Variants in RALGPS2 observed in about 807,000 individuals in gnomAD.
RALGPS2 encodes ras-specific guanine nucleotide-releasing factor RalGPS2.
In RALGPS2, 43 loss-of-function variants were observed where a neutral mutation model predicts 86.8. That is an observed-to-expected ratio of 0.50 (90% confidence interval 0.39 to 0.64). RALGPS2 has a LOEUF of 0.64. Among genes scored for constraint, RALGPS2 ranks in the 30% least tolerant of loss-of-function variants. RALGPS2 has a pLI of 0.00. For missense variants in RALGPS2, 536 were observed against 694.6 expected, an observed-to-expected ratio of 0.77 and a Z score of 2.57; for synonymous variants, 243 against 231.3, an observed-to-expected ratio of 1.05 and a Z score of -0.46.
At chr1:178,779,592 T>C (rs1653280241) in intron 2 of RALGPS2, among the ~76,000 whole-genome samples, 1 of 152,250 alleles carries the variant, frequency 6.6e-6, no homozygotes, top group African/African-American at 2.4e-5. Context: ...GGACCAGACA[T>C]TTTAATGTCC....
At chr1:178,903,958 A>G (rs1660285328) in intron 18 of RALGPS2, among the ~76,000 whole-genome samples, 1 of 152,206 alleles carries the variant, frequency 6.6e-6, no homozygotes, top group Non-Finnish European at 1.5e-5. Context: ...ACTAGTTTAC[A>G]TTCCCACCAG....
chr1:178,731,534 C>T lies in RALGPS2; in HGVS notation c.-84+6115C>T, dbSNP rs184710804. Among the ~76,000 whole-genome samples, 297 of 152,116 alleles carry T rather than the reference C, an allele frequency of 2.0e-3. 3 individuals carry two copies. Among genetic ancestry groups the T allele is most frequent in the Non-Finnish European group, 3.1e-3 (212 of 67,994 alleles). The stretch of plus-strand genomic sequence containing the variant: ...CTGACCTCAAGTGATCCGCCTACCT[C>T]GGCCTCTCAGAGTGCTGGGATTACA... On this transcript the variant is annotated intron_variant, in intron 1 of 19. Transcript: ENST00000367635.
At chr1:178,804,442 A>T (rs1265290836) in intron 4 of RALGPS2, among the ~76,000 whole-genome samples, 2 of 106,810 alleles carry the variant, frequency 1.9e-5, no homozygotes, top group African/African-American at 3.6e-5. Flanking sequence ...CCCACCCCAC[A>T]ACAGTCCCCA....
chr1:178,853,533 T>G, intron 8 of RALGPS2: 1 of 1,307,086 alleles, frequency 7.7e-7, no homozygotes, highest in Non-Finnish European at 1.0e-6. Flanking sequence ...GCATCTTGTT[T>G]CTTGCATTAT....
intron 4 of RALGPS2, among the ~76,000 whole-genome samples, chr1:178,804,269 T>TTA (rs71297890): frequency 3.5e-5 from 5 of 144,226 alleles, no homozygotes; most frequent in Non-Finnish European, 7.6e-5. Flanking sequence ...TTTTTTTTTT[T>TTA]AATTAATTGA....
intron 14 of RALGPS2, 80 bp downstream of exon 14, chr1:178,889,776 A>G: frequency 2.0e-6 from 2 of 1,009,100 alleles, no homozygotes; most frequent in Non-Finnish European, 3.0e-6. Context: ...TTCAGAGATA[A>G]TATTTACTAC....
intron 1 of RALGPS2, among the ~76,000 whole-genome samples, chr1:178,758,191 C>T (rs1652047438): frequency 6.6e-6 from 1 of 151,950 alleles, no homozygotes; most frequent in Non-Finnish European, 1.5e-5. Context: ...GTTTATCTAT[C>T]TGGTGGTCTG....
intron 6 of RALGPS2, among the ~76,000 whole-genome samples, chr1:178,817,390 A>G (rs1309942826): frequency 6.7e-6 from 1 of 148,710 alleles, no homozygotes; most frequent in East Asian, 2.0e-4. Flanking sequence ...AATTGTGCTA[A>G]CTCCATTCTT....
chr1:178,815,285 A>G (rs530434335), intron 6 of RALGPS2, among the ~76,000 whole-genome samples: 14 of 151,784 alleles, frequency 9.2e-5, no homozygotes, highest in African/African-American at 3.4e-4. Context: ...GGGTTTTGCC[A>G]TGTTGGTCAG....
chr1:178,894,057 C>T (rs1659833694), intron 16 of RALGPS2, 33 bp downstream of exon 16: 2 of 1,288,930 alleles, frequency 1.6e-6, no homozygotes, highest in African/African-American at 3.0e-5. Context: ...TTTAATACAC[C>T]TCTAAAAATA....
chr1:178,912,875 T>C (rs1660675735), intron 19 of RALGPS2, among the ~76,000 whole-genome samples: 1 of 152,254 alleles, frequency 6.6e-6, no homozygotes, highest in Admixed American at 6.5e-5. Context: ...TTGCTCATTT[T>C]TAAAATTTTT....
chr1:178,817,229 C>A (rs577261260), intron 6 of RALGPS2, among the ~76,000 whole-genome samples: 1 of 151,436 alleles, frequency 6.6e-6, no homozygotes, highest in Admixed American at 6.6e-5. Context: ...CCTGTAATCC[C>A]AGCTACTCAG....
At position 178,865,096 on chromosome 1, in the gene RALGPS2, T is replaced by C. The variant is rs6689778; in HGVS notation, c.608-12402T>C. 15,182 of 1,562,760 alleles carry C rather than the reference T, an allele frequency of 9.7e-3. 1,277 individuals are homozygous for C. In the African/African-American group the frequency reaches 0.18, roughly 19 times the overall value. ...CTCCCAGCAGACCAGGAGTATACTG[T>C]TGGCTGTTAGGAATATGTTGTGGCA... On this transcript the variant is annotated intron_variant, in intron 8 of 19. Coordinates refer to ENST00000367635, the MANE Select transcript of RALGPS2 (RefSeq NM_152663.5).
At chr1:178,859,401 CTTT>C (rs543947031) in intron 8 of RALGPS2, among the ~76,000 whole-genome samples, 3,672 of 122,684 alleles carry the variant, frequency 0.03, 34 homozygotes, top group East Asian at 0.075. Context: ...CCAAGTTTAA[CTTT>C]TTTTTTTTTT....
intron 4 of RALGPS2, among the ~76,000 whole-genome samples, chr1:178,788,399 G>A (rs961000483): frequency 2.6e-5 from 4 of 152,164 alleles, no homozygotes; most frequent in African/African-American, 9.7e-5. Flanking sequence ...TGATATTTGG[G>A]TGAGGTTAGC....
At chr1:178,831,627 GC>G (rs1248168578) in intron 7 of RALGPS2, among the ~76,000 whole-genome samples, 26 of 88,156 alleles carry the variant, frequency 2.9e-4, no homozygotes, top group South Asian at 2.7e-3. Flanking sequence ...TGTCCGCCCC[GC>G]CCCCCCCACC....
intron 16 of RALGPS2, among the ~76,000 whole-genome samples, chr1:178,896,694 G>A (rs1659960466): frequency 7.0e-6 from 1 of 142,036 alleles, no homozygotes; most frequent in Admixed American, 7.3e-5. Flanking sequence ...TCCCACCTAT[G>A]AGTGAGAATA....
intron 1 of RALGPS2, among the ~76,000 whole-genome samples, chr1:178,751,327 C>CT (rs1390245122): frequency 6.6e-6 from 1 of 152,166 alleles, no homozygotes; most frequent in Non-Finnish European, 1.5e-5. Flanking sequence ...ACCAGATTCT[C>CT]TGTGAAGATA....
At chr1:178,859,170 C>T (rs546869113) in intron 8 of RALGPS2, among the ~76,000 whole-genome samples, 40 of 152,062 alleles carry the variant, frequency 2.6e-4, no homozygotes, top group African/African-American at 9.2e-4. Flanking sequence ...TTATCAATTA[C>T]GTTCTCATAA....
Sources: allele counts gnomAD v4.1 joint callset (sites outside exome capture counted in the v4.1 genomes callset), GRCh38; gene constraint gnomAD v4.1.1; transcripts MANE v1.5; gene names NCBI Gene and HGNC (gene_info 2026-07-23, HGNC 2026-07-21).